The following PCDHA1 variants were observed in gnomAD, a reference collection of about 807,000 sequenced individuals.
PCDHA1 encodes the protein protocadherin alpha-1.
PCDHA1 carries 42 observed loss-of-function variants against 61.3 expected under a neutral mutation model. The ratio of observed to expected loss-of-function variants is 0.69; its 90% confidence interval spans 0.54 to 0.89. PCDHA1 has a LOEUF of 0.89. Among genes scored for constraint, PCDHA1 ranks in the 40% least tolerant of loss-of-function variants. PCDHA1 has a pLI of 0.00. For synonymous variants in PCDHA1, 610 were observed against 553.8 expected (o/e 1.10, Z -1.43); for missense variants, 1,256 against 1,235.3 (o/e 1.02, Z -0.25).
At chr5:140,869,377 C>A (rs1055077118) in intron 1 of PCDHA1, 2 of 1,614,110 alleles carry the variant, frequency 1.2e-6, no homozygotes, top group Non-Finnish European at 8.5e-7. Context: ...TCGGATCGAC[C>A]GCGAGGAGCT....
intron 3 of PCDHA1, among the ~76,000 whole-genome samples, chr5:140,986,799 CTTAG>C (rs782752084): frequency 3.9e-5 from 6 of 152,154 alleles, no homozygotes; most frequent in South Asian, 4.1e-4. Context: ...GGCAGTGAGT[CTTAG>C]TTAGAGAACT....
At chr5:140,841,306 GAAACGACT>G in intron 1 of PCDHA1, 2 of 1,580,012 alleles carry the variant, frequency 1.3e-6, no homozygotes, top group Non-Finnish European at 1.7e-6. Flanking sequence ...TTTCTGATAG[GAAACGACT>G]ATTTAACATG....
At chr5:140,795,183 C>A (rs1581612901) in intron 1 of PCDHA1, 1 of 1,614,044 alleles carries the variant, frequency 6.2e-7, no homozygotes, top group South Asian at 1.1e-5. Context: ...GACACGGGGA[C>A]CTTCTGGAGG....
chr5:140,944,334 C>T (rs547924304), intron 1 of PCDHA1, among the ~76,000 whole-genome samples: 131 of 152,138 alleles, frequency 8.6e-4, no homozygotes, highest in African/African-American at 3.0e-3. Flanking sequence ...ATTACAAGCA[C>T]GTGCCACCAC....
At chr5:140,882,701 T>C in intron 1 of PCDHA1, 2 of 1,614,138 alleles carry the variant, frequency 1.2e-6, no homozygotes, top group South Asian at 1.1e-5. Context: ...CATTGCAGAA[T>C]CTAGACCTCC....
intron 1 of PCDHA1, chr5:140,868,803 C>A: frequency 2.9e-6 from 1 of 350,392 alleles, no homozygotes; most frequent in South Asian, 7.0e-5. Context: ...CATAAATAAG[C>A]ACGTTGGAAA....
rs548269849 is a variant in PCDHA1, at chr5:140,806,103, A to G, written c.2394+17419A>G. The stretch of plus-strand genomic sequence containing the variant: ...TAAAAGAAGAAAAAATACCTGTTCA[A>G]TTGGTTTGATCATGACATTCTTCAT... On this transcript the variant is annotated intron_variant, in intron 1 of 3. Transcript: ENST00000504120. Among the ~76,000 whole-genome samples, 18 of 152,298 alleles carry G rather than the reference A, an allele frequency of 1.2e-4. 1 individual carries two copies. The highest frequency in any genetic ancestry group is 3.6e-4 in the African/African-American group (15 of 41,572).
At chr5:140,801,705 T>C in intron 1 of PCDHA1, 1 of 1,614,222 alleles carries the variant, frequency 6.2e-7, no homozygotes, top group Non-Finnish European at 8.5e-7. Context: ...GTTGTTGACT[T>C]ACAGTCTTGA....
rs782257127 is a variant in PCDHA1, at chr5:140,870,719, C to G, written c.2394+82035C>G. On this transcript the variant is annotated intron_variant, in intron 1 of 3. Coordinates refer to ENST00000504120, the MANE Select transcript of PCDHA1 (RefSeq NM_018900.4). ...CAGTTCCAGGTGAGCGCGCGCGATG[C>G]GGGCGTGCCGCCTCTGAGCAGCAAC... 3.7e-6 allele frequency: 6 copies of G among 1,612,966 alleles called. No homozygotes were observed. In the African/African-American group the frequency reaches 4.0e-5, roughly 11 times the overall value.
At chr5:140,946,202 A>T (rs2093901656) in intron 1 of PCDHA1, among the ~76,000 whole-genome samples, 1 of 152,118 alleles carries the variant, frequency 6.6e-6, no homozygotes, top group Non-Finnish European at 1.5e-5. Context: ...AAAAGAAAGC[A>T]CACAAATGAC....
At position 141,011,699 on chromosome 5, in the gene PCDHA1, A is replaced by G. The variant is rs537913184; in HGVS notation, c.*1762A>G. 6.5e-6 allele frequency: 1 copy of G among 153,890 alleles called. No homozygotes were observed. Among genetic ancestry groups the G allele is most frequent in the African/African-American group, 2.4e-5 (1 of 41,578 alleles). 9.5% of individuals were successfully genotyped at this position (153,890 alleles called of 1,614,324 possible). A position where few individuals can be genotyped will look rare whatever the true frequency, so the allele number is the denominator to read the frequency against. ...TTGTTCTAGTAACAATTTTGGAATG[A>G]ATACTGACAATATTCCATGAGGGTG... On this transcript the variant is annotated 3_prime_UTR_variant, in exon 4 of 4. Coordinates refer to ENST00000504120, the MANE Select transcript of PCDHA1 (RefSeq NM_018900.4).
chr5:140,965,374 G>A (rs1554227648), intron 1 of PCDHA1, among the ~76,000 whole-genome samples: 1 of 152,098 alleles, frequency 6.6e-6, no homozygotes, highest in Admixed American at 6.6e-5. Flanking sequence ...AGGAAACTTG[G>A]GGACACAGAA....
At chr5:140,895,784 T>C (rs2065158516) in intron 1 of PCDHA1, among the ~76,000 whole-genome samples, 1 of 152,166 alleles carries the variant, frequency 6.6e-6, no homozygotes, top group Non-Finnish European at 1.5e-5. Flanking sequence ...TAGTATTCAA[T>C]GACGTATATG....
chr5:140,991,733 A>T (rs1360500460), intron 3 of PCDHA1, among the ~76,000 whole-genome samples: 1 of 152,136 alleles, frequency 6.6e-6, no homozygotes, highest in African/African-American at 2.4e-5. Flanking sequence ...TGTTCAAGGT[A>T]ATGTAGGCTC....
chr5:140,895,920 C>T (rs1347672044), intron 1 of PCDHA1, among the ~76,000 whole-genome samples: 1 of 152,202 alleles, frequency 6.6e-6, no homozygotes, highest in African/African-American at 2.4e-5. Flanking sequence ...CAACAATTAT[C>T]CTGCCTCAGC....
intron 1 of PCDHA1, chr5:140,862,002 T>C (rs1430406580): frequency 6.4e-6 from 1 of 155,594 alleles, no homozygotes; most frequent in Non-Finnish European, 1.4e-5. Context: ...CACTGGTTAT[T>C]AGACTTAACC....
At chr5:140,818,821 C>T (rs188829951) in intron 1 of PCDHA1, among the ~76,000 whole-genome samples, 156 of 152,316 alleles carry the variant, frequency 1.0e-3, no homozygotes, top group Admixed American at 2.0e-3. Flanking sequence ...GAGTGAGACT[C>T]TTTGTCACCC....
At chr5:140,856,360 C>T (rs2043951808) in intron 1 of PCDHA1, 2 of 1,598,438 alleles carry the variant, frequency 1.3e-6, no homozygotes, top group Admixed American at 1.7e-5. Context: ...GCAGCATCCA[C>T]CTGGAGGTGA....
At chr5:140,886,138 T>C (rs1166911705) in intron 1 of PCDHA1, among the ~76,000 whole-genome samples, 2 of 152,208 alleles carry the variant, frequency 1.3e-5, no homozygotes, top group African/African-American at 4.8e-5. Flanking sequence ...AACCAGATTC[T>C]TGATATCACC....
Sources: allele counts gnomAD v4.1 joint callset (sites outside exome capture counted in the v4.1 genomes callset), GRCh38; gene constraint gnomAD v4.1.1; transcripts MANE v1.5; gene names NCBI Gene and HGNC (gene_info 2026-07-23, HGNC 2026-07-21).